PSMD12: variants seen among roughly 807,000 people sequenced by gnomAD.
PSMD12 encodes 26S proteasome non-ATPase regulatory subunit 12.
In PSMD12, 8 loss-of-function variants were observed where a neutral mutation model predicts 62.9. The observed-to-expected ratio is 0.13, with a 90% confidence interval of 0.07 to 0.23. PSMD12 has a LOEUF of 0.23. PSMD12 is among the 10% of genes least tolerant of loss of function. The pLI, the probability that PSMD12 is intolerant of heterozygous loss-of-function variation, is 1.00. For synonymous variants in PSMD12, 173 were observed against 187.4 expected (o/e 0.92, Z 0.63); for missense variants, 424 against 550.2 (o/e 0.77, Z 2.29).
intron 3 of PSMD12, among the ~76,000 whole-genome samples, chr17:67,351,954 G>A (rs185004663): frequency 1.6e-3 from 247 of 151,860 alleles, no homozygotes; most frequent in Non-Finnish European, 2.5e-3. Context: ...AAAATTAGCC[G>A]GGTGTGGTGG....
chr17:67,364,085 A>G (rs907172961), intron 1 of PSMD12, among the ~76,000 whole-genome samples: 7 of 152,112 alleles, frequency 4.6e-5, no homozygotes. Context: ...AAAAAGCAAA[A>G]CAGAAAAATA....
chr17:67,360,332 T>G (rs1401246763), intron 1 of PSMD12, among the ~76,000 whole-genome samples: 1 of 152,258 alleles, frequency 6.6e-6, no homozygotes, highest in Non-Finnish European at 1.5e-5. Context: ...AATCACACAT[T>G]GGCCTAAAGC....
chr17:67,354,788 G>A (rs1489701648), intron 3 of PSMD12, among the ~76,000 whole-genome samples: 1 of 151,938 alleles, frequency 6.6e-6, no homozygotes, highest in South Asian at 2.1e-4. Context: ...TCAGGAGTTC[G>A]AGACCAACCT....
intron 3 of PSMD12, among the ~76,000 whole-genome samples, chr17:67,351,719 A>C (rs1241465272): frequency 1.3e-5 from 2 of 151,864 alleles, no homozygotes; most frequent in African/African-American, 4.8e-5. Context: ...AATTTTGGAT[A>C]CACAGGTAAC....
At chr17:67,355,886 G>A (rs34516724) in intron 3 of PSMD12, among the ~76,000 whole-genome samples, 33,422 of 151,740 alleles carry the variant, frequency 0.22, 4,573 homozygotes, top group Non-Finnish European at 0.3. Context: ...CCAGCACTTT[G>A]GGAGGCTGAG....
chr17:67,344,758 T>G lies in PSMD12; in HGVS notation c.931A>C (p.Thr311Pro). ...KYKDLLKLFT[T>P]MELMRWSTLV... ...GTGGACCAACGCATCAACTCCATTG[T>G]GGTAAAAAGCTTTAAAAGATCCCTG... Residue 311 changes from threonine to proline, a missense_variant, in exon 9 of 11, where the codon ACA becomes CCA. By Grantham distance (38) the Thr-to-Pro change is conservative. Coordinates refer to ENST00000356126, the MANE Select transcript of PSMD12 (RefSeq NM_002816.5). 1 of 1,594,234 alleles carries G rather than the reference T, an allele frequency of 6.3e-7. No homozygotes were observed. Among genetic ancestry groups the G allele is most frequent in the Non-Finnish European group, 8.6e-7 (1 of 1,168,952 alleles).
chr17:67,361,153 G>T (rs888948770), intron 1 of PSMD12: 16 of 152,190 alleles, frequency 1.1e-4, no homozygotes, highest in African/African-American at 3.9e-4. Flanking sequence ...CCTTGTAAAT[G>T]ATGTAAGCGA....
intron 1 of PSMD12, among the ~76,000 whole-genome samples, chr17:67,363,862 C>G (rs550569795): frequency 6.6e-6 from 1 of 152,110 alleles, no homozygotes; most frequent in Non-Finnish European, 1.5e-5. Flanking sequence ...CCATCCTGAC[C>G]AACATGGTAA....
chr17:67,354,549 A>C (rs908060106), intron 3 of PSMD12, among the ~76,000 whole-genome samples: 1 of 152,210 alleles, frequency 6.6e-6, no homozygotes, highest in Non-Finnish European at 1.5e-5. Context: ...TGTTGATTTC[A>C]ACCTAGGTTG....
intron 3 of PSMD12, among the ~76,000 whole-genome samples, chr17:67,356,573 A>G (rs894943385): frequency 6.8e-6 from 1 of 146,710 alleles, no homozygotes; most frequent in Non-Finnish European, 1.5e-5. Context: ...AAAAAAAAAA[A>G]AAAAAAAAAA....
chr17:67,352,986 T>C (rs559217436), intron 3 of PSMD12, among the ~76,000 whole-genome samples: 1 of 152,314 alleles, frequency 6.6e-6, no homozygotes, highest in African/African-American at 2.4e-5. Context: ...GTGAAAGTTC[T>C]CAACAAGGAA....
rs952848390 is a variant in PSMD12, at chr17:67,355,992, A to G, written c.297+1311T>C. Among the ~76,000 whole-genome samples, 13 of 150,836 alleles carry G rather than the reference A, an allele frequency of 8.6e-5. No individual in the cohort carries two copies. In the East Asian group the frequency reaches 1.6e-3, roughly 18 times the overall value. ...TCTACACACACACACACACACACAC[A>G]CACACACACACACACACGCACACAC... On this transcript the variant is annotated intron_variant, in intron 3 of 10. Transcript: ENST00000356126.
chr17:67,350,313 C>T lies in PSMD12; in HGVS notation c.321G>A (p.Gln107=). ...LKQAVAKMVQ[Q]CCTYVEEITD... is the part of the protein sequence containing the mutation. ...TGATTTCCTCAACATAAGTACAGCA[C>T]TGTTGAACCATTTTGGCAACAGCCT... The change falls in exon 4 of 11, where the codon CAG becomes CAA. Residue 107 remains glutamine (Q), a synonymous_variant. Transcript: ENST00000356126. 2 of 1,608,080 alleles carry T rather than the reference C, an allele frequency of 1.2e-6. No individual in the cohort carries two copies. The highest frequency in any genetic ancestry group is 1.7e-6 in the Non-Finnish European group (2 of 1,177,758).
At chr17:67,350,382 A>G (rs2042006254) in intron 3 of PSMD12, 46 bp from the exon 4 acceptor site, 2 of 1,398,432 alleles carry the variant, frequency 1.4e-6, no homozygotes, top group African/African-American at 2.9e-5. Flanking sequence ...TTCCTCACAG[A>G]GCGAAAAAAT....
intron 3 of PSMD12, among the ~76,000 whole-genome samples, chr17:67,355,969 T>TACACACAC (rs59875246): frequency 2.2e-4 from 32 of 145,852 alleles, no homozygotes; most frequent in East Asian, 8.3e-4. Flanking sequence ...CCCCCATTTC[T>TACACACAC]ACACACACAC....
intron 10 of PSMD12, 26 bp from the exon 11 acceptor site, chr17:67,341,078 T>C (rs774705686): frequency 2.7e-6 from 4 of 1,488,286 alleles, no homozygotes; most frequent in Non-Finnish European, 9.0e-7. Flanking sequence ...ATAAATTGGA[T>C]TAAGACAGGA....
At chr17:67,343,553 G>A (rs1228933741) in intron 9 of PSMD12, among the ~76,000 whole-genome samples, 4 of 151,982 alleles carry the variant, frequency 2.6e-5, no homozygotes, top group South Asian at 2.1e-4. Context: ...CGATTCATCC[G>A]ACCTGATCAT....
At chr17:67,344,583 T>C (rs747580607) in intron 9 of PSMD12, 23 bp downstream of exon 9, 2 of 1,498,556 alleles carry the variant, frequency 1.3e-6, no homozygotes, top group East Asian at 4.6e-5. Context: ...ATAAAAATTG[T>C]CATCTCTATG....
At chr17:67,344,815 G>A (rs2041949063) in intron 8 of PSMD12, 35 bp from the exon 9 acceptor site, 7 of 1,450,636 alleles carry the variant, frequency 4.8e-6, no homozygotes, top group Non-Finnish European at 6.5e-6. Context: ...TTCCAAATCT[G>A]TAAAAATTAA....
Sources: allele counts gnomAD v4.1 joint callset (sites outside exome capture counted in the v4.1 genomes callset), GRCh38; gene constraint gnomAD v4.1.1; transcripts MANE v1.5; gene names NCBI Gene and HGNC (gene_info 2026-07-23, HGNC 2026-07-21).